PTPRM: variants seen among roughly 807,000 people sequenced by gnomAD.
The protein encoded by PTPRM is protein tyrosine phosphatase receptor type M, also known as receptor-type tyrosine-protein phosphatase mu.
In PTPRM, 47 loss-of-function variants were observed where a neutral mutation model predicts 186.7. That is an observed-to-expected ratio of 0.25 (90% CI 0.20 to 0.32). PTPRM has a LOEUF of 0.32. PTPRM is among the 10% of genes least tolerant of loss of function. The pLI is 1.00. For missense variants in PTPRM, 1,494 were observed against 1,865.0 expected, an observed-to-expected ratio of 0.80 and a Z score of 3.66; for synonymous variants, 668 against 674.9, an observed-to-expected ratio of 0.99 and a Z score of 0.16.
At chr18:8,253,125 C>A in intron 18 of PTPRM, 102 bp from the exon 19 acceptor site, 1 of 995,356 alleles carries the variant, frequency 1.0e-6, no homozygotes, top group Non-Finnish European at 1.4e-6. Context: ...ATTTTGCACC[C>A]CTAGGTGAGG....
chr18:7,671,990 C>T (rs954542156), intron 1 of PTPRM, among the ~76,000 whole-genome samples: 4 of 152,240 alleles, frequency 2.6e-5, no homozygotes, highest in Admixed American at 2.0e-4. Flanking sequence ...TCTCCCTCCT[C>T]AAAGCATTCA....
chr18:7,904,008 A>G (rs919095598), intron 3 of PTPRM, among the ~76,000 whole-genome samples: 1 of 152,222 alleles, frequency 6.6e-6, no homozygotes, highest in African/African-American at 2.4e-5. Flanking sequence ...CTTTGTATCT[A>G]AAGATTTCAT....
At chr18:7,986,837 A>C (rs1180625166) in intron 7 of PTPRM, among the ~76,000 whole-genome samples, 1 of 152,146 alleles carries the variant, frequency 6.6e-6, no homozygotes, top group African/African-American at 2.4e-5. Flanking sequence ...CTTTAAGAGG[A>C]TAATTAACTT....
intron 31 of PTPRM, among the ~76,000 whole-genome samples, chr18:8,391,683 G>A (rs1162584996): frequency 6.6e-6 from 1 of 152,136 alleles, no homozygotes; most frequent in Non-Finnish European, 1.5e-5. Flanking sequence ...TGTATGCATT[G>A]GTAAAAATTG....
At chr18:8,324,321 G>A (rs1377420611) in intron 22 of PTPRM, among the ~76,000 whole-genome samples, 2 of 152,166 alleles carry the variant, frequency 1.3e-5, no homozygotes, top group African/African-American at 2.4e-5. Flanking sequence ...TGGGTTTTAC[G>A]GTTCATCTCA....
At chr18:8,163,529 G>C (rs2093268850) in intron 14 of PTPRM, among the ~76,000 whole-genome samples, 1 of 152,078 alleles carries the variant, frequency 6.6e-6, no homozygotes, top group Non-Finnish European at 1.5e-5. Flanking sequence ...CAAGCACAGA[G>C]GACAATATTT....
At chr18:7,942,181 G>T (rs1225145267) in intron 5 of PTPRM, among the ~76,000 whole-genome samples, 2 of 151,738 alleles carry the variant, frequency 1.3e-5, no homozygotes, top group African/African-American at 2.4e-5. Context: ...TAACTGGGAG[G>T]CTGAGGCAGG....
chr18:7,688,433 G>C (rs2039657970), intron 1 of PTPRM, among the ~76,000 whole-genome samples: 1 of 152,176 alleles, frequency 6.6e-6, no homozygotes, highest in Non-Finnish European at 1.5e-5. Flanking sequence ...TTCCAGAAAA[G>C]CTGCTCAGAC....
intron 2 of PTPRM, chr18:7,814,157 T>G (rs1024632892): frequency 3.9e-5 from 6 of 152,258 alleles, no homozygotes; most frequent in Non-Finnish European, 7.3e-5. Context: ...CAGCTACTTT[T>G]CTATAGGGAT....
chr18:7,765,273 CAT>C (rs1442772767), intron 1 of PTPRM, among the ~76,000 whole-genome samples: 2 of 152,118 alleles, frequency 1.3e-5, no homozygotes, highest in Admixed American at 1.3e-4. Context: ...TCCTTTGTAT[CAT>C]ATAAAATATA....
intron 22 of PTPRM, among the ~76,000 whole-genome samples, chr18:8,320,049 TGAA>T (rs2095336150): frequency 1.3e-5 from 2 of 152,094 alleles, no homozygotes; most frequent in South Asian, 4.1e-4. Flanking sequence ...TGGGATGAAC[TGAA>T]GAAGGAGTAA....
intron 2 of PTPRM, among the ~76,000 whole-genome samples, chr18:7,859,496 G>C (rs1176910242): frequency 6.6e-6 from 1 of 152,208 alleles, no homozygotes; most frequent in African/African-American, 2.4e-5. Context: ...TGGCATTACT[G>C]CCTGGCACCT....
chr18:7,632,842 T>C (rs2038223878), intron 1 of PTPRM, among the ~76,000 whole-genome samples: 1 of 152,120 alleles, frequency 6.6e-6, no homozygotes, highest in African/African-American at 2.4e-5. Context: ...GGGATGAAAA[T>C]GTCTAAAAAA....
At chr18:8,136,945 G>A (rs1043011572) in intron 13 of PTPRM, among the ~76,000 whole-genome samples, 1 of 152,014 alleles carries the variant, frequency 6.6e-6, no homozygotes, top group Non-Finnish European at 1.5e-5. Flanking sequence ...ACACACAAAA[G>A]GAAAATTAAT....
At position 8,390,852 on chromosome 18, in the gene PTPRM, C is replaced by T. The variant is rs569994078; in HGVS notation, c.4208+3617C>T. Among the ~76,000 whole-genome samples, 377 of 151,870 alleles carry T rather than the reference C, an allele frequency of 2.5e-3. 2 individuals carry two copies. The highest frequency in any genetic ancestry group is 8.5e-3 in the African/African-American group (353 of 41,448). On this transcript the variant is annotated intron_variant, in intron 31 of 32. Coordinates refer to ENST00000580170, the MANE Select transcript of PTPRM (RefSeq NM_001105244.2). ...CTGAGGCAGGAAAATGACGTGAACC[C>T]GGGAGGCGGAGCTTGCAGTGAGTCA...
At chr18:7,973,941 G>A (rs2054750110) in intron 7 of PTPRM, among the ~76,000 whole-genome samples, 1 of 150,672 alleles carries the variant, frequency 6.6e-6, no homozygotes, top group Admixed American at 6.6e-5. Context: ...TTTATACTTA[G>A]AGTATTTAGT....
In PTPRM at chr18:8,238,271, T is replaced by C. The variant is rs146490980; in HGVS notation, c.2301-5787T>C. 4.6e-3 allele frequency among the ~76,000 whole-genome samples: 702 copies of C among 152,340 alleles called. 22 individuals carry two copies. Among genetic ancestry groups the C allele is most frequent in the Admixed American group, 0.04 (619 of 15,302 alleles). ...TAGTTGCCCCATGGTTTTGGGATATTCTGACATTTTGTGTGTTTTTGTTTT... is the reference window on the plus strand; with the variant it reads ...TAGTTGCCCCATGGTTTTGGGATATCCTGACATTTTGTGTGTTTTTGTTTT... On this transcript the variant is annotated intron_variant, in intron 14 of 32. Transcript: ENST00000580170.
intron 30 of PTPRM, 44 bp from the exon 31 acceptor site, chr18:8,387,027 GC>G (rs755255147): frequency 1.2e-5 from 19 of 1,520,314 alleles, no homozygotes; most frequent in Non-Finnish European, 1.3e-5. Context: ...AGTAAATAAT[GC>G]CTGTTTTCTT....
chr18:7,571,373 G>C (rs1423671489), intron 1 of PTPRM, among the ~76,000 whole-genome samples: 1 of 152,214 alleles, frequency 6.6e-6, no homozygotes, highest in East Asian at 1.9e-4. Flanking sequence ...ACATGAGAAA[G>C]AAAGTTAAAT....
Sources: gnomAD v4.1 joint callset for allele counts (sites outside exome capture counted in the v4.1 genomes callset) on GRCh38, gnomAD v4.1.1 for gene constraint, MANE v1.5 for transcripts, NCBI Gene and HGNC (gene_info 2026-07-23, HGNC 2026-07-21) for gene names.